The following IQGAP2 variants were observed in gnomAD, a reference collection of about 807,000 sequenced individuals.
The protein encoded by IQGAP2 is IQ motif containing GTPase activating protein 2.
IQGAP2 carries 173 observed loss-of-function variants against 201.3 expected under a neutral mutation model. The ratio of observed to expected loss-of-function variants is 0.86; its 90% confidence interval spans 0.76 to 0.98. The LOEUF (loss-of-function observed/expected upper bound fraction) is 0.98, where lower values mean the gene tolerates loss of function less well. Among genes scored for constraint, IQGAP2 ranks in the 50% least tolerant of loss-of-function variants. The pLI is 0.00. For synonymous variants in IQGAP2, 675 were observed against 673.9 expected (o/e 1.00, Z -0.03); for missense variants, 1,687 against 1,864.8 (o/e 0.90, Z 1.76).
intron 33 of IQGAP2, among the ~76,000 whole-genome samples, chr5:76,699,927 C>T (rs1406318403): frequency 8.0e-6 from 1 of 125,208 alleles, no homozygotes. Flanking sequence ...CTCTCTCTCT[C>T]TCTCTCTCTC....
intron 22 of IQGAP2, among the ~76,000 whole-genome samples, chr5:76,668,461 T>A (rs537977598): frequency 1.3e-5 from 2 of 151,876 alleles, no homozygotes; most frequent in East Asian, 3.9e-4. Context: ...TTATATAATA[T>A]CAGTCTATAG....
intron 2 of IQGAP2, among the ~76,000 whole-genome samples, chr5:76,534,094 C>T (rs572331306): frequency 6.6e-6 from 1 of 152,282 alleles, no homozygotes; most frequent in East Asian, 1.9e-4. Flanking sequence ...TGACATTTTA[C>T]AGTGTTTTGA....
At chr5:76,441,395 A>T (rs982073539) in intron 1 of IQGAP2, 2 of 487,484 alleles carry the variant, frequency 4.1e-6, no homozygotes, top group Non-Finnish European at 5.3e-6. Flanking sequence ...CCCGGAAGGA[A>T]TCAGGAATTA....
chr5:76,483,708 C>G (rs949601098), intron 2 of IQGAP2, among the ~76,000 whole-genome samples: 35 of 152,334 alleles, frequency 2.3e-4, no homozygotes, highest in African/African-American at 7.9e-4. Context: ...CTCAGCTCCC[C>G]CATGGGTTGG....
chr5:76,423,575 C>G (rs1003583802), intron 1 of IQGAP2, among the ~76,000 whole-genome samples: 2 of 152,160 alleles, frequency 1.3e-5, no homozygotes, highest in Admixed American at 6.5e-5. Context: ...GAGCTGAGAT[C>G]GTGCCACTGC....
intron 3 of IQGAP2, among the ~76,000 whole-genome samples, chr5:76,569,245 G>A (rs909855512): frequency 1.3e-5 from 2 of 152,206 alleles, no homozygotes; most frequent in African/African-American, 4.8e-5. Flanking sequence ...AGGTCAGTCA[G>A]TTGACAACTA....
intron 20 of IQGAP2, 31 bp from the exon 21 acceptor site, chr5:76,658,428 A>T: frequency 1.3e-6 from 2 of 1,533,672 alleles, no homozygotes; most frequent in South Asian, 1.1e-5. Context: ...AAGCTTTCCT[A>T]ATTAAAGTAT....
At chr5:76,590,338 G>T in intron 7 of IQGAP2, 70 bp from the exon 8 acceptor site, 6 of 1,208,296 alleles carry the variant, frequency 5.0e-6, no homozygotes, top group South Asian at 1.5e-5. Flanking sequence ...GTTTACACAG[G>T]GTCAATGCAA....
At chr5:76,547,565 A>G (rs1374168008) in intron 2 of IQGAP2, 1 of 223,266 alleles carries the variant, frequency 4.5e-6, no homozygotes, top group Non-Finnish European at 7.5e-6. Flanking sequence ...GAGCATGTGC[A>G]CAGTGTAGAC....
intron 13 of IQGAP2, among the ~76,000 whole-genome samples, chr5:76,613,843 T>C (rs6882084): frequency 0.73 from 110,491 of 151,956 alleles, 42,709 homozygotes; most frequent in Non-Finnish European, 0.88. Flanking sequence ...TACAGGCACC[T>C]GCCATCAAGC....
intron 30 of IQGAP2, among the ~76,000 whole-genome samples, chr5:76,687,707 A>C (rs978897261): frequency 3.3e-5 from 5 of 152,144 alleles, no homozygotes; most frequent in African/African-American, 1.2e-4. Context: ...CTCCACATGC[A>C]AGGGATCTAG....
At chr5:76,630,688 A>G (rs552407676) in intron 14 of IQGAP2, among the ~76,000 whole-genome samples, 84 of 140,366 alleles carry the variant, frequency 6.0e-4, no homozygotes, top group Non-Finnish European at 1.1e-3. Flanking sequence ...CTTTTCTTGG[A>G]CCACAAACTT....
intron 1 of IQGAP2, among the ~76,000 whole-genome samples, chr5:76,415,998 T>C (rs1189085531): frequency 1.3e-5 from 2 of 149,914 alleles, no homozygotes; most frequent in African/African-American, 2.5e-5. Context: ...CTGTAAAAGG[T>C]AGTAATGAAT....
chr5:76,478,851 T>C lies in IQGAP2; in HGVS notation c.146+17182T>C, dbSNP rs564426097. On this transcript the variant is annotated intron_variant, in intron 2 of 35. Coordinates refer to ENST00000274364, the MANE Select transcript of IQGAP2 (RefSeq NM_006633.5). ...CACATTTCCCTCATTAAGTGATACATGACCGCACTAGGTGCTGCTTCCTAG... is the reference window on the plus strand; with the variant it reads ...CACATTTCCCTCATTAAGTGATACACGACCGCACTAGGTGCTGCTTCCTAG... Among the ~76,000 whole-genome samples the C allele has an allele frequency of 3.9e-5, 6 of 152,312 alleles. No homozygotes were observed. In the South Asian group the frequency reaches 1.2e-3, roughly 32 times the overall value.
chr5:76,520,101 C>T (rs975878230), intron 2 of IQGAP2, among the ~76,000 whole-genome samples: 24 of 151,428 alleles, frequency 1.6e-4, no homozygotes, highest in Admixed American at 1.4e-3. Context: ...TATCTAAAAA[C>T]TCTTTGCCTA....
rs893073768 is a variant in IQGAP2, at chr5:76,637,304, G to A, written c.1923+128G>A. Reference sequence around the variant, plus strand: ...ATCTGAAGTCTGGATATGTAATAAAGTCTTCATGAACTGCAGTTGAATGTG... The same window carrying A: ...ATCTGAAGTCTGGATATGTAATAAAATCTTCATGAACTGCAGTTGAATGTG... On this transcript the variant is annotated intron_variant, in intron 16 of 35. Coordinates refer to ENST00000274364, the MANE Select transcript of IQGAP2 (RefSeq NM_006633.5). 27 of 737,298 alleles carry A rather than the reference G, an allele frequency of 3.7e-5. No homozygotes were observed. The African/African-American group carries it at 4.9e-4, about 13-fold the overall frequency. The allele number at this position is 737,298 out of a possible 1,614,324, so 45.7% of individuals were successfully genotyped here. A position where few individuals can be genotyped will look rare whatever the true frequency, so the allele number is the denominator to read the frequency against.
intron 1 of IQGAP2, among the ~76,000 whole-genome samples, chr5:76,410,339 C>A (rs1200076568): frequency 6.6e-6 from 1 of 152,172 alleles, no homozygotes; most frequent in East Asian, 1.9e-4. Context: ...ACAATTGGAG[C>A]TGTCCTGAGG....
intron 1 of IQGAP2, among the ~76,000 whole-genome samples, chr5:76,426,046 G>A (rs982442038): frequency 2.6e-5 from 4 of 152,170 alleles, no homozygotes; most frequent in African/African-American, 4.8e-5. Flanking sequence ...ATGTGTTTGC[G>A]CAGTTCTGGG....
intron 1 of IQGAP2, among the ~76,000 whole-genome samples, chr5:76,453,368 T>C (rs1464275367): frequency 2.6e-5 from 4 of 152,244 alleles, no homozygotes; most frequent in African/African-American, 9.6e-5. Context: ...GAATAAGTTA[T>C]GTGCTGTATA....
Sources: allele counts gnomAD v4.1 joint callset (sites outside exome capture counted in the v4.1 genomes callset), GRCh38; gene constraint gnomAD v4.1.1; transcripts MANE v1.5; gene names NCBI Gene and HGNC (gene_info 2026-07-23, HGNC 2026-07-21).